EEA1: variants seen among roughly 807,000 people sequenced by gnomAD.
The protein encoded by EEA1 is early endosome antigen 1, 162kD.
In EEA1, 111 loss-of-function variants were observed where a neutral mutation model predicts 209.2. That is an observed-to-expected ratio of 0.53 (90% CI 0.45 to 0.62). EEA1 has a LOEUF of 0.62. Among genes scored for constraint, EEA1 ranks in the 20% least tolerant of loss-of-function variants. The pLI, the probability that EEA1 is intolerant of heterozygous loss-of-function variation, is 0.00. For synonymous variants in EEA1, 536 were observed against 540.6 expected, an observed-to-expected ratio of 0.99 and a Z score of 0.12; for missense variants, 1,343 against 1,530.8, an observed-to-expected ratio of 0.88 and a Z score of 2.05.
intron 3 of EEA1, chr12:92,857,977 T>C (rs1877959830): frequency 3.3e-6 from 1 of 306,370 alleles, no homozygotes; most frequent in East Asian, 8.1e-5. Context: ...GCCCTGATAC[T>C]GCGCACTGAG....
intron 21 of EEA1, among the ~76,000 whole-genome samples, chr12:92,796,501 GA>G (rs1222186408): frequency 2.0e-5 from 3 of 151,560 alleles, no homozygotes; most frequent in African/African-American, 7.3e-5. Context: ...AGTGCATTAT[GA>G]CCTTCAATGT....
intron 23 of EEA1, among the ~76,000 whole-genome samples, chr12:92,781,625 C>T (rs1455023904): frequency 6.6e-6 from 1 of 152,116 alleles, no homozygotes; most frequent in African/African-American, 2.4e-5. Context: ...ATTCACACAT[C>T]TAAAGGATAA....
chr12:92,906,081 T>C (rs1353263369), intron 1 of EEA1, among the ~76,000 whole-genome samples: 2 of 140,960 alleles, frequency 1.4e-5, no homozygotes, highest in Non-Finnish European at 3.2e-5. Flanking sequence ...TAATTTTCTT[T>C]TCTTTTCTTT....
chr12:92,903,404 C>T (rs1032402202), intron 1 of EEA1, among the ~76,000 whole-genome samples: 1 of 151,498 alleles, frequency 6.6e-6, no homozygotes, highest in Non-Finnish European at 1.5e-5. Flanking sequence ...TTGAGACCAG[C>T]CTGACCAACA....
chr12:92,889,510 A>C (rs11106734), intron 2 of EEA1, among the ~76,000 whole-genome samples: 218 of 151,590 alleles, frequency 1.4e-3, no homozygotes, highest in African/African-American at 5.1e-3. Context: ...CAGTTAAAAG[A>C]CAAGTGTTAA....
At chr12:92,882,471 G>C (rs1196288846) in intron 2 of EEA1, among the ~76,000 whole-genome samples, 1 of 151,084 alleles carries the variant, frequency 6.6e-6, no homozygotes, top group African/African-American at 2.4e-5. Flanking sequence ...TGTTACCTGG[G>C]TATATTGCAT....
At chr12:92,815,819 T>G (rs1026753630) in intron 15 of EEA1, among the ~76,000 whole-genome samples, 1 of 152,130 alleles carries the variant, frequency 6.6e-6, no homozygotes, top group African/African-American at 2.4e-5. Flanking sequence ...CTAATTTGAA[T>G]GTAAAAAACA....
At chr12:92,907,375 C>T (rs1302983308) in intron 1 of EEA1, among the ~76,000 whole-genome samples, 1 of 152,214 alleles carries the variant, frequency 6.6e-6, no homozygotes, top group Non-Finnish European at 1.5e-5. Flanking sequence ...TTGCTCAAAG[C>T]TTTCACCCAT....
intron 21 of EEA1, among the ~76,000 whole-genome samples, chr12:92,793,527 C>T (rs1874509776): frequency 1.3e-5 from 2 of 152,150 alleles, no homozygotes; most frequent in South Asian, 4.1e-4. Context: ...AACTCCCATT[C>T]ACAATTGCTA....
intron 3 of EEA1, among the ~76,000 whole-genome samples, chr12:92,862,891 T>C (rs950011703): frequency 1.9e-4 from 29 of 152,098 alleles, no homozygotes; most frequent in African/African-American, 6.3e-4. Context: ...GAAGAAGTAA[T>C]AGTAGACAAG....
At chr12:92,799,594 G>A (rs960112115) in intron 20 of EEA1, among the ~76,000 whole-genome samples, 1 of 151,898 alleles carries the variant, frequency 6.6e-6, no homozygotes, top group Non-Finnish European at 1.5e-5. Flanking sequence ...AGACCATCCT[G>A]GCTAACACAG....
chr12:92,835,507 G>C (rs956259200), intron 10 of EEA1: 1 of 225,548 alleles, frequency 4.4e-6, no homozygotes. Flanking sequence ...CACCTCCCGG[G>C]TTCACACCAT....
intron 10 of EEA1, among the ~76,000 whole-genome samples, chr12:92,834,624 TAAG>T (rs1180039492): frequency 6.7e-6 from 1 of 148,186 alleles, no homozygotes; most frequent in Non-Finnish European, 1.5e-5. Flanking sequence ...GAGCAACCAT[TAAG>T]TTTACAGCAA....
In EEA1 at chr12:92,857,966, C is replaced by T. The variant is rs1224509663; in HGVS notation, c.246-481G>A. On this transcript the variant is annotated intron_variant, in intron 3 of 28. Coordinates refer to ENST00000322349, the MANE Select transcript of EEA1 (RefSeq NM_003566.4). Reference sequence around the variant, plus strand: ...GTTCACTCTGCACCACCATTGGTTACGCCCTGATACTGCGCACTGAGTAGA... The same window carrying T: ...GTTCACTCTGCACCACCATTGGTTATGCCCTGATACTGCGCACTGAGTAGA... 7 of 264,764 alleles carry T rather than the reference C, an allele frequency of 2.6e-5. No homozygotes were observed. The South Asian group carries it at 2.8e-4, about 10-fold the overall frequency. 16.4% of individuals were successfully genotyped at this position (264,764 alleles called of 1,614,324 possible). A position where few individuals can be genotyped will look rare whatever the true frequency, so the allele number is the denominator to read the frequency against.
chr12:92,802,821 G>A (rs1874992832), intron 18 of EEA1, 87 bp from the exon 19 acceptor site: 1 of 1,121,072 alleles, frequency 8.9e-7, no homozygotes, highest in Non-Finnish European at 1.2e-6. Context: ...AACAATTACT[G>A]AGTTCTGAAA....
chr12:92,879,798 G>C (rs1879060652), intron 2 of EEA1, among the ~76,000 whole-genome samples: 1 of 152,142 alleles, frequency 6.6e-6, no homozygotes, highest in Non-Finnish European at 1.5e-5. Flanking sequence ...GCCTCAAATG[G>C]CCTAACCAGA....
At position 92,780,370 on chromosome 12, in the gene EEA1, C is replaced by A. The variant is rs200924444; in HGVS notation, c.3378G>T (p.Leu1126Phe). 6.3e-7 allele frequency: 1 copy of A among 1,580,542 alleles called. No individual in the cohort carries two copies. ...TACATTTAATTTCTTCTATCTCTGC[C>A]AATTTAGACTTCTCATTTACCAGTT... ...EKELVNEKSK[L>F]AEIEEIKCRQ... The change falls in exon 24 of 29, where the codon TTG becomes TTT. Residue 1126 changes from leucine (L) to phenylalanine (F), a missense_variant. Coordinates refer to ENST00000322349, the MANE Select transcript of EEA1 (RefSeq NM_003566.4).
intron 10 of EEA1, among the ~76,000 whole-genome samples, chr12:92,839,016 A>G (rs1417382252): frequency 6.6e-6 from 1 of 152,182 alleles, no homozygotes; most frequent in Non-Finnish European, 1.5e-5. Flanking sequence ...TAGAATTGAT[A>G]GTATTTGTTG....
chr12:92,806,897 G>A (rs1387640962), intron 18 of EEA1, among the ~76,000 whole-genome samples: 2 of 151,840 alleles, frequency 1.3e-5, no homozygotes, highest in African/African-American at 4.8e-5. Flanking sequence ...CAGGAAAAAA[G>A]GTGATAAAAT....
Sources: gnomAD v4.1 joint callset for allele counts (sites outside exome capture counted in the v4.1 genomes callset) on GRCh38, gnomAD v4.1.1 for gene constraint, MANE v1.5 for transcripts, NCBI Gene and HGNC (gene_info 2026-07-23, HGNC 2026-07-21) for gene names.